KHDRBS2: variants seen among roughly 807,000 people sequenced by gnomAD.
KHDRBS2 encodes the protein KH domain-containing, RNA-binding, signal transduction-associated protein 2.
KHDRBS2 carries 26 observed loss-of-function variants against 44.3 expected under a neutral mutation model. The ratio of observed to expected loss-of-function variants is 0.59; its 90% confidence interval spans 0.43 to 0.81. KHDRBS2 has a LOEUF of 0.81. Ranked by LOEUF, KHDRBS2 falls within the 40% of genes least tolerant of loss-of-function variation. KHDRBS2 has a pLI of 0.00. For synonymous variants in KHDRBS2, 194 were observed against 151.1 expected, an observed-to-expected ratio of 1.28 and a Z score of -2.08; for missense variants, 476 against 433.1, an observed-to-expected ratio of 1.10 and a Z score of -0.88.
intron 4 of KHDRBS2, among the ~76,000 whole-genome samples, chr6:61,952,842 A>C (rs931328514): frequency 6.6e-6 from 1 of 152,036 alleles, no homozygotes; most frequent in African/African-American, 2.4e-5. Context: ...ATTCCTACTA[A>C]TCATTTTACC....
At chr6:62,032,202 G>C (rs1784454051) in intron 3 of KHDRBS2, among the ~76,000 whole-genome samples, 1 of 152,066 alleles carries the variant, frequency 6.6e-6, no homozygotes, top group South Asian at 2.1e-4. Flanking sequence ...TTCTAGGTGT[G>C]ACTGTTAGGG....
At chr6:62,274,297 G>A (rs1840562218) in intron 1 of KHDRBS2, among the ~76,000 whole-genome samples, 1 of 152,130 alleles carries the variant, frequency 6.6e-6, no homozygotes. Context: ...GCCTGCCCAT[G>A]TCTTGTACCT....
chr6:61,975,750 T>C (rs989724231), intron 4 of KHDRBS2, among the ~76,000 whole-genome samples: 2 of 151,778 alleles, frequency 1.3e-5, no homozygotes, highest in African/African-American at 4.8e-5. Flanking sequence ...TAAGGTATAA[T>C]GGAACAATGA....
At chr6:62,063,469 T>G in intron 2 of KHDRBS2, among the ~76,000 whole-genome samples, 1 of 150,786 alleles carries the variant, frequency 6.6e-6, no homozygotes, top group Non-Finnish European at 1.5e-5. Context: ...GCAAGGCTGG[T>G]TCAATATACG....
chr6:62,018,297 ATATG>A (rs1394487099), intron 3 of KHDRBS2, among the ~76,000 whole-genome samples: 81 of 138,532 alleles, frequency 5.8e-4, no homozygotes, highest in Middle Eastern at 3.8e-3. Flanking sequence ...CTATATATAT[ATATG>A]TGTGTGTGTG....
intron 4 of KHDRBS2, among the ~76,000 whole-genome samples, chr6:61,946,542 A>C (rs1813406300): frequency 1.3e-5 from 2 of 152,162 alleles, no homozygotes; most frequent in Non-Finnish European, 2.9e-5. Flanking sequence ...GTATCAGTCA[A>C]ATCCGGGCAA....
the KHDRBS2 span, among the ~76,000 whole-genome samples, chr6:61,602,168 C>CTT: frequency 6.6e-6 from 1 of 152,100 alleles, no homozygotes; most frequent in African/African-American, 2.4e-5. Context: ...CCCTCAAATC[C>CTT]CACAACAGGA....
chr6:61,808,246 C>T (rs1787489838), intron 6 of KHDRBS2, among the ~76,000 whole-genome samples: 2 of 152,148 alleles, frequency 1.3e-5, no homozygotes, highest in South Asian at 4.1e-4. Context: ...AATTCATTTT[C>T]AAGGGACAAT....
chr6:61,893,586 C>G (rs1330448023), intron 6 of KHDRBS2, among the ~76,000 whole-genome samples: 2 of 152,094 alleles, frequency 1.3e-5, no homozygotes, highest in Non-Finnish European at 2.9e-5. Context: ...ATGATGAGTT[C>G]ATGTCCTTTG....
chr6:62,068,868 T>C (rs1385683823), intron 2 of KHDRBS2, among the ~76,000 whole-genome samples: 1 of 151,770 alleles, frequency 6.6e-6, no homozygotes, highest in African/African-American at 2.4e-5. Flanking sequence ...TTAATCTTTA[T>C]GCTAATACCA....
intron 2 of KHDRBS2, among the ~76,000 whole-genome samples, chr6:62,170,534 T>A (rs1819776628): frequency 6.6e-6 from 1 of 151,930 alleles, no homozygotes; most frequent in African/African-American, 2.4e-5. Context: ...TGGCTAACAC[T>A]CTTAAGTGCC....
intron 4 of KHDRBS2, among the ~76,000 whole-genome samples, chr6:61,910,785 T>C (rs1244225202): frequency 2.6e-5 from 4 of 152,216 alleles, no homozygotes; most frequent in Non-Finnish European, 4.4e-5. Flanking sequence ...AGTAGATAAA[T>C]GTTTAGATAA....
intron 6 of KHDRBS2, among the ~76,000 whole-genome samples, chr6:61,785,668 T>C (rs1397711492): frequency 6.6e-6 from 1 of 152,054 alleles, no homozygotes; most frequent in East Asian, 1.9e-4. Context: ...TGAAGAAGTA[T>C]TGGGATTACG....
chr6:61,915,208 T>C (rs1366523128), intron 4 of KHDRBS2, among the ~76,000 whole-genome samples: 1 of 151,742 alleles, frequency 6.6e-6, no homozygotes, highest in Non-Finnish European at 1.5e-5. Context: ...GGAACTGGGG[T>C]TGGAGGGATG....
chr6:61,650,259 C>T, the KHDRBS2 span, among the ~76,000 whole-genome samples: 1 of 152,044 alleles, frequency 6.6e-6, no homozygotes, highest in Non-Finnish European at 1.5e-5. Flanking sequence ...TATTTTCTCT[C>T]CTGCTTTCCA....
chr6:61,775,926 C>G (rs1364373518), intron 6 of KHDRBS2, among the ~76,000 whole-genome samples: 1 of 152,190 alleles, frequency 6.6e-6, no homozygotes, highest in Non-Finnish European at 1.5e-5. Flanking sequence ...CAGCATGGTA[C>G]TGGTACCAAA....
At chr6:61,908,476 T>C (rs551392980) in intron 4 of KHDRBS2, among the ~76,000 whole-genome samples, 7 of 151,390 alleles carry the variant, frequency 4.6e-5, no homozygotes, top group East Asian at 2.0e-4. Context: ...CTACTAAAAA[T>C]ACAAAAAATT....
intron 6 of KHDRBS2, among the ~76,000 whole-genome samples, chr6:61,771,957 T>G (rs1185099818): frequency 6.6e-6 from 1 of 152,084 alleles, no homozygotes; most frequent in East Asian, 1.9e-4. Flanking sequence ...CTTCAGCAAA[T>G]GTAAAAGAAA....
chr6:62,172,375 AAGACTT>A, intron 2 of KHDRBS2, among the ~76,000 whole-genome samples: 1 of 152,246 alleles, frequency 6.6e-6, no homozygotes, highest in African/African-American at 2.4e-5. Flanking sequence ...ATTCAACAAG[AAGACTT>A]AATTATCCTA....
Sources: allele counts gnomAD v4.1 joint callset (sites outside exome capture counted in the v4.1 genomes callset), GRCh38; gene constraint gnomAD v4.1.1; transcripts MANE v1.5; gene names NCBI Gene and HGNC (gene_info 2026-07-23, HGNC 2026-07-21).